Variants in PIN4 observed in about 807,000 individuals in gnomAD.
PIN4 encodes the protein peptidyl-prolyl cis-trans isomerase NIMA-interacting 4.
A neutral mutation model predicts 8.3 loss-of-function variants in PIN4; 3 were observed. The observed-to-expected ratio is 0.36, with a 90% CI of 0.16 to 0.93. PIN4 has a LOEUF of 0.93. PIN4 is among the 40% of genes least tolerant of loss of function. PIN4 has a pLI of 0.44. For synonymous variants in PIN4, 18 were observed against 32.5 expected (o/e 0.55, Z 1.52); for missense variants, 75 against 100.6 (o/e 0.75, Z 1.09).
chrX:72,206,425 G>A, intron 3 of PIN4: 1 of 1,209,774 alleles, frequency 8.3e-7, no homozygotes, highest in Non-Finnish European at 1.1e-6. Flanking sequence ...ACCCTCTTTG[G>A]GCAGATCATC....
chrX:72,205,746 G>A (rs771884439), intron 3 of PIN4: 7 of 1,209,589 alleles, frequency 5.8e-6, no homozygotes, highest in Middle Eastern at 4.6e-4. Flanking sequence ...CTGGTTCATC[G>A]TCTTTCTCAG....
In PIN4 at chrX:72,198,180, C is replaced by T. The variant is rs2042776260; in HGVS notation, c.*654C>T. 1 of 746,058 alleles carries T rather than the reference C, an allele frequency of 1.3e-6. No individual in the cohort carries two copies. The highest frequency in any genetic ancestry group is 8.8e-5 in the Admixed American group (1 of 11,411). 61.5% of individuals were successfully genotyped at this position (746,058 alleles called of 1,213,427 possible). ...CAGCATAAAAATGTCATTCCCTCAT[C>T]TTCAGTGTATGGGTTACATTAAGAC... On this transcript the variant is annotated 3_prime_UTR_variant, in exon 4 of 4. Transcript: ENST00000373669.
At chrX:72,206,056 T>C in intron 3 of PIN4, 1 of 1,211,354 alleles carries the variant, frequency 8.3e-7, no homozygotes, top group Non-Finnish European at 1.1e-6. Flanking sequence ...ATTTTGACTT[T>C]CATTTGTTAT....
intron 3 of PIN4, chrX:72,238,939 C>T (rs1258315072): frequency 8.7e-7 from 1 of 1,145,352 alleles, no homozygotes; most frequent in East Asian, 3.2e-5. Flanking sequence ...CCAGTTACCC[C>T]GGCGGGAGTT....
At chrX:72,205,864 G>C in intron 3 of PIN4, 1 of 1,211,551 alleles carries the variant, frequency 8.3e-7, no homozygotes, top group Non-Finnish European at 1.1e-6. Context: ...AGACTGACTG[G>C]AAAAATTTTG....
At chrX:72,197,129 A>G in intron 3 of PIN4, 2 of 452,217 alleles carry the variant, frequency 4.4e-6, no homozygotes, top group Non-Finnish European at 7.5e-6. Context: ...TCTATGTCAA[A>G]ACCTATGCAT....
chrX:72,203,560 G>A (rs1226559787), intron 3 of PIN4, among the ~76,000 whole-genome samples: 1 of 111,656 alleles, frequency 9.0e-6, no homozygotes, highest in Non-Finnish European at 1.9e-5. Flanking sequence ...TTTTGAATTG[G>A]AGAACTGGAG....
At chrX:72,253,936 T>C (rs1367268694) in intron 3 of PIN4, among the ~76,000 whole-genome samples, 1 of 109,783 alleles carries the variant, frequency 9.1e-6, no homozygotes, top group Non-Finnish European at 1.9e-5. Context: ...CACTCCAGCC[T>C]GAGCAACAGA....
intron 3 of PIN4, among the ~76,000 whole-genome samples, chrX:72,203,581 T>G (rs1288792673): frequency 8.9e-6 from 1 of 111,752 alleles, no homozygotes; most frequent in Non-Finnish European, 1.9e-5. Flanking sequence ...AACTGCTTGA[T>G]GTGGAAAACC....
intron 3 of PIN4, among the ~76,000 whole-genome samples, chrX:72,224,378 C>T: frequency 9.0e-6 from 1 of 111,276 alleles, no homozygotes; most frequent in Non-Finnish European, 1.9e-5. Context: ...ATCATTCATT[C>T]ATCGGCCCTA....
chrX:72,186,408 C>A lies in PIN4; in HGVS notation c.44-53C>A, dbSNP rs901037730. On this transcript the variant is annotated intron_variant, in intron 1 of 3. Transcript: ENST00000373669. ...CACTCCGGTTGTGTGTTGGACCTTT[C>A]TGTAAACATGGAGGTGCAGTTTAAA... 7.2e-6 allele frequency: 6 copies of A among 831,195 alleles called. No homozygotes were observed. In the African/African-American group the frequency reaches 1.0e-4, roughly 14 times the overall value. The allele number at this position is 831,195 out of a possible 1,213,427, so 68.5% of individuals were successfully genotyped here. A position where few individuals can be genotyped will look rare whatever the true frequency, so the allele number is the denominator to read the frequency against.
At chrX:72,255,273 A>AAATAATAATAATAAT (rs760269851) in intron 3 of PIN4, among the ~76,000 whole-genome samples, 6,098 of 96,287 alleles carry the variant, frequency 0.063, 293 homozygotes, top group East Asian at 0.29. Flanking sequence ...CCATCTCTAA[A>AAATAATAATAATAAT]AATAATAATA....
intron 3 of PIN4, among the ~76,000 whole-genome samples, chrX:72,254,763 TC>T (rs2043102480): frequency 8.9e-6 from 1 of 112,849 alleles, no homozygotes; most frequent in Admixed American, 9.4e-5. Context: ...CTTTGAAATA[TC>T]CTGTGTCATT....
At chrX:72,238,148 GT>G (rs1470178162) in intron 3 of PIN4, among the ~76,000 whole-genome samples, 1 of 111,845 alleles carries the variant, frequency 8.9e-6, no homozygotes, top group East Asian at 2.8e-4. Flanking sequence ...TTTAAAAATG[GT>G]TAGGATGATA....
chrX:72,188,629 G>T (rs2042716060), intron 2 of PIN4, among the ~76,000 whole-genome samples: 1 of 112,401 alleles, frequency 8.9e-6, no homozygotes, highest in African/African-American at 3.2e-5. Flanking sequence ...AAAGTGCTGG[G>T]ATTACAGGCA....
intron 3 of PIN4, chrX:72,208,562 C>G: frequency 1.7e-6 from 2 of 1,211,847 alleles, no homozygotes; most frequent in Non-Finnish European, 2.2e-6. Context: ...TCTGCCAACT[C>G]CTCCAAGGCT....
chrX:72,219,662 A>G (rs1423953694), intron 3 of PIN4, among the ~76,000 whole-genome samples: 1 of 109,629 alleles, frequency 9.1e-6, no homozygotes, highest in Non-Finnish European at 1.9e-5. Context: ...AGCCTGACCA[A>G]CATGAAGAAG....
At chrX:72,236,305 T>C (rs1157421425) in intron 3 of PIN4, among the ~76,000 whole-genome samples, 3 of 110,921 alleles carry the variant, frequency 2.7e-5, no homozygotes, top group Non-Finnish European at 3.8e-5. Context: ...ATCTTTTTTT[T>C]CTTTTTTTTC....
chrX:72,208,339 G>A (rs146896703), intron 3 of PIN4: 1 of 1,211,718 alleles, frequency 8.3e-7, no homozygotes, highest in Non-Finnish European at 1.1e-6. Context: ...ATTCACAAGT[G>A]ATGCATCAAA....
Sources: gnomAD v4.1 joint callset for allele counts (sites outside exome capture counted in the v4.1 genomes callset) on GRCh38, gnomAD v4.1.1 for gene constraint, MANE v1.5 for transcripts, NCBI Gene and HGNC (gene_info 2026-07-23, HGNC 2026-07-21) for gene names.